The following C1R variants were observed in gnomAD, a reference collection of about 807,000 sequenced individuals.
C1R encodes complement C1r subcomponent.
C1R carries 15 observed loss-of-function variants against 27.6 expected under a neutral mutation model. The ratio of observed to expected loss-of-function variants is 0.54; its 90% CI spans 0.36 to 0.84. The LOEUF (loss-of-function observed/expected upper bound fraction) is 0.84, where lower values mean the gene tolerates loss of function less well. C1R is among the 40% of genes least tolerant of loss of function. The pLI is 0.01. For missense variants in C1R, 544 were observed against 577.9 expected (o/e 0.94, Z 0.60); for synonymous variants, 253 against 228.8 (o/e 1.11, Z -0.95).
chr12:7,081,712 C>T (rs779198860), intron 10 of C1R, among the ~76,000 whole-genome samples: 6 of 152,162 alleles, frequency 3.9e-5, no homozygotes, highest in African/African-American at 1.4e-4. Flanking sequence ...AGGCTGGTCT[C>T]GAACTCCTGA....
Position 7,081,100 on chromosome 12 carries a change from A to G in C1R, c.1550T>C (p.Leu517Ser). Residue 517 changes from leucine to serine, a missense_variant, in exon 11 of 11, where the codon TTG becomes TCG. This residue lies in a region of C1R where 253 missense variants were observed against 368.9 expected (regional missense o/e 0.69). Transcript: ENST00000647956. ...ATTTGTGTGGCCCAGGAACACATCC[A>G]AAGAGGCGTTGCTTTGCGCTTCGTG... is the stretch of plus-strand genomic sequence containing the variant. Reference protein sequence around the residue: ...KEHEAQSNASLDVFLGHTNVE... With the variant: ...KEHEAQSNASSDVFLGHTNVE... The G allele has an allele frequency of 1.2e-6, 2 of 1,614,022 alleles. No homozygotes were observed. Among genetic ancestry groups the G allele is most frequent in the Non-Finnish European group, 1.7e-6 (2 of 1,179,890 alleles).
At chr12:7,082,146 G>T in intron 9 of C1R, 40 bp from the exon 10 acceptor site, 1 of 1,220,424 alleles carries the variant, frequency 8.2e-7, no homozygotes. Context: ...GGGGGGTGAT[G>T]GGTAAGAAAA....
intron 10 of C1R, among the ~76,000 whole-genome samples, 180 bp from the exon 11 acceptor site, chr12:7,081,481 T>G (rs765315569): frequency 6.6e-6 from 1 of 151,446 alleles, no homozygotes; most frequent in South Asian, 2.1e-4. Flanking sequence ...TTCTTGTTTT[T>G]TTTTTTTTTT....
intron 7 of C1R, chr12:7,087,279 A>C (rs1938171019): frequency 6.6e-6 from 1 of 152,488 alleles, no homozygotes; most frequent in African/African-American, 2.4e-5. Context: ...GCACTTGAAT[A>C]GCTTGAATCC....
Position 7,089,306 on chromosome 12 carries a change from TA to T in C1R, c.754del (p.Tyr252MetfsTer64), listed in dbSNP as rs1938212705. The T allele has an allele frequency of 1.3e-6, 1 of 780,194 alleles. No individual in the cohort carries two copies. Among genetic ancestry groups the T allele is most frequent in the Non-Finnish European group, 2.4e-6 (1 of 417,858 alleles). The allele number at this position is 780,194 out of a possible 1,614,324, so 48.3% of individuals were successfully genotyped here. A position where few individuals can be genotyped will look rare whatever the true frequency, so the allele number is the denominator to read the frequency against. On this transcript the variant is annotated frameshift_variant, in exon 5 of 11. Transcript: ENST00000647956. LOFTEE classifies it high-confidence loss of function. ...GGACGGCTGTACCTGTAGCTGGTCA[TA>T]GGGGCAGTGTACTTGCTGGTGGTCA... ...IDDHQQVHCPYDQLQIYANGK... is the reference protein window; with the variant it reads ...IDDHQQVHCPXDQLQIYANGK...
intron 3 of C1R, 49 bp downstream of exon 3, chr12:7,090,007 T>C (rs1426572617): frequency 5.5e-6 from 4 of 721,470 alleles, no homozygotes; most frequent in Non-Finnish European, 1.0e-5. Flanking sequence ...TGGCCCCCCA[T>C]TCAATATGGC....
chr12:7,090,886 T>C (rs1938261109), intron 2 of C1R, among the ~76,000 whole-genome samples: 2 of 152,106 alleles, frequency 1.3e-5, no homozygotes, highest in Non-Finnish European at 2.9e-5. Flanking sequence ...TCACGCATAA[T>C]CTCCAGGGGT....
chr12:7,080,835 A>G lies in C1R; in HGVS notation c.1815T>C (p.His605=), dbSNP rs756530063. The G allele has an allele frequency of 1.4e-5, 22 of 1,613,884 alleles. No homozygotes were observed. Among genetic ancestry groups the G allele is most frequent in the Non-Finnish European group, 1.7e-5 (20 of 1,179,896 alleles). ...CGGGCAGACGGACAAACCTGAGGTC[A>G]TGAGCAATCTTCTCCTCCATGACCC... ...GFGVMEEKIA[H]DLRFVRLPVA... is the part of the protein sequence containing the mutation. Residue 605 remains histidine, a synonymous_variant, in exon 11 of 11, where the codon CAT becomes CAC. Transcript: ENST00000647956. This position sits in a 1 kb window ranked among gnomAD's most constrained non-coding sequence, Gnocchi z 4.9.
intron 7 of C1R, among the ~76,000 whole-genome samples, chr12:7,088,116 G>T (rs1291718718): frequency 6.6e-6 from 1 of 152,158 alleles, no homozygotes; most frequent in Non-Finnish European, 1.5e-5. Flanking sequence ...GTACACAATC[G>T]CTACGTGATG....
In C1R at chr12:7,091,902, G is replaced by A. The variant is rs914405003; in HGVS notation, c.3-222C>T. 1.5e-6 allele frequency: 1 copy of A among 683,816 alleles called. No homozygotes were observed. Among genetic ancestry groups the A allele is most frequent in the Non-Finnish European group, 2.7e-6 (1 of 374,240 alleles). The allele number at this position is 683,816 out of a possible 1,614,324, so 42.4% of individuals were successfully genotyped here. A position where few individuals can be genotyped will look rare whatever the true frequency, so the allele number is the denominator to read the frequency against. On this transcript the variant is annotated intron_variant, in intron 1 of 10. Coordinates refer to ENST00000647956, the MANE Select transcript of C1R (RefSeq NM_001733.7). This position sits in a 1 kb window ranked among gnomAD's most constrained non-coding sequence, Gnocchi z 5.1. ...TCTCCAGGGCAGTGTCCAGTCCAGA[G>A]GCCACCACACTCCCCTCACACTCCC... is the stretch of plus-strand genomic sequence containing the variant.
At chr12:7,081,909 C>T in intron 10 of C1R, 123 bp downstream of exon 10, 1 of 761,900 alleles carries the variant, frequency 1.3e-6, no homozygotes. Context: ...CTGTCCCTCT[C>T]TCCCTTTCTC....
At chr12:7,090,506 G>A in intron 2 of C1R, 1 of 495,030 alleles carries the variant, frequency 2.0e-6, no homozygotes, top group South Asian at 3.0e-5. Context: ...CTGCTCCTCT[G>A]GCAGGTTTCA....
chr12:7,089,970 C>G, intron 3 of C1R, 86 bp downstream of exon 3: 1 of 700,426 alleles, frequency 1.4e-6, no homozygotes, highest in Admixed American at 2.1e-5. Flanking sequence ...AGGCTTTCGG[C>G]TTCTTTGCAT....
intron 9 of C1R, among the ~76,000 whole-genome samples, chr12:7,083,454 T>A (rs1465243365): frequency 4.0e-5 from 6 of 151,702 alleles, no homozygotes; most frequent in Non-Finnish European, 5.9e-5. Flanking sequence ...ATGGTGATAG[T>A]GATGATGGTG....
In C1R at chr12:7,090,112, T is replaced by G. The variant is rs1938239084; in HGVS notation, c.368A>C (p.Glu123Ala). ...LLTFHTDFSN[E>A]ENGTIMFYKG... The stretch of plus-strand genomic sequence containing the variant: ...GTAGAACATGATGGTCCCATTCTCC[T>G]CGTTGGAGAAGTCTGTGTGGAAGGT... The change falls in exon 3 of 11, where the codon GAG becomes GCG. Residue 123 changes from glutamate to alanine, a missense_variant. Physicochemically the swap from Glu to Ala is moderately radical, Grantham distance 107. Transcript: ENST00000647956. 1.3e-6 allele frequency: 1 copy of G among 778,130 alleles called. No individual in the cohort carries two copies. The highest frequency in any genetic ancestry group is 2.4e-6 in the Non-Finnish European group (1 of 416,846). 48.2% of individuals were successfully genotyped at this position (778,130 alleles called of 1,614,324 possible). A position where few individuals can be genotyped will look rare whatever the true frequency, so the allele number is the denominator to read the frequency against.
rs780252671 is a variant in C1R at position 7,081,019 on chromosome 12, G to A, written c.1631C>T (p.Pro544Leu). 6 of 1,613,866 alleles carry A rather than the reference G, an allele frequency of 3.7e-6. No homozygotes were observed. The highest frequency in any genetic ancestry group is 1.1e-5 in the South Asian group (1 of 91,090). ...GTAGGACTCATCCTGACGGTAGTCC[G>A]GGTGGACGCTGACCCTGCGGATGGG... ...NHPIRRVSVH[P>L]DYRQDESYNF... Residue 544 changes from proline to leucine, a missense_variant, in exon 11 of 11, where the codon CCG becomes CTG. Around this residue, in one of 2 missense-constraint regions of C1R, gnomAD observed 253 missense variants for 368.9 expected, o/e 0.69. Transcript: ENST00000647956.
At chr12:7,090,446 C>T in intron 2 of C1R, 198 bp from the exon 3 acceptor site, 1 of 591,638 alleles carries the variant, frequency 1.7e-6, no homozygotes, top group Admixed American at 3.0e-5. Context: ...CCCACTGACT[C>T]ACTCTTTGCG....
chr12:7,088,599 T>C lies in C1R; in HGVS notation c.1038+11A>G. The C allele has an allele frequency of 1.4e-6, 1 of 720,302 alleles. No homozygotes were observed. The highest frequency in any genetic ancestry group is 2.6e-6 in the Non-Finnish European group (1 of 385,850). 44.6% of individuals were successfully genotyped at this position (720,302 alleles called of 1,614,324 possible). ...TGGGCCGGCTCTCTCCCCTCAGCCC[T>C]GGGCTCTTACCTCTATGAGCTGGTA... On this transcript the variant is annotated intron_variant, in intron 7 of 10. Coordinates refer to ENST00000647956, the MANE Select transcript of C1R (RefSeq NM_001733.7).
chr12:7,082,653 T>C (rs1316397415), intron 9 of C1R, among the ~76,000 whole-genome samples: 1 of 152,136 alleles, frequency 6.6e-6, no homozygotes, highest in Non-Finnish European at 1.5e-5. Flanking sequence ...TATTAACATA[T>C]GTTTGCTGTG....
Sources: gnomAD v4.1 joint callset for allele counts (sites outside exome capture counted in the v4.1 genomes callset) on GRCh38, gnomAD v4.1.1 for gene constraint, gnomAD v4.1.1 regional missense constraint, Gnocchi (gnomAD v3.1) non-coding constraint, MANE v1.5 for transcripts, NCBI Gene and HGNC (gene_info 2026-07-23, HGNC 2026-07-21) for gene names.